The following RPS6KA2 variants were observed in gnomAD, a reference collection of about 807,000 sequenced individuals.
RPS6KA2 encodes ribosomal protein S6 kinase A2.
A neutral mutation model predicts 91.8 loss-of-function variants in RPS6KA2; 42 were observed. The ratio of observed to expected loss-of-function variants is 0.46; its 90% CI spans 0.36 to 0.59. The LOEUF is 0.59. RPS6KA2 is among the 20% of genes least tolerant of loss of function. The pLI, the probability that RPS6KA2 is intolerant of heterozygous loss-of-function variation, is 0.00. For synonymous variants in RPS6KA2, 414 were observed against 393.6 expected (o/e 1.05, Z -0.61); for missense variants, 798 against 978.5 (o/e 0.82, Z 2.46).
intron 2 of RPS6KA2, among the ~76,000 whole-genome samples, chr6:166,672,234 G>A (rs910455450): frequency 5.3e-5 from 8 of 152,060 alleles, no homozygotes; most frequent in African/African-American, 9.7e-5. Context: ...AGAACACTAC[G>A]GGGAACAAGT....
At chr6:166,860,519 A>C (rs1199442917) in intron 1 of RPS6KA2, among the ~76,000 whole-genome samples, 1 of 152,216 alleles carries the variant, frequency 6.6e-6, no homozygotes, top group African/African-American at 2.4e-5. Flanking sequence ...AATATGTGAA[A>C]CACAAGCTGC....
chr6:166,814,123 A>G (rs1450642598), intron 2 of RPS6KA2, among the ~76,000 whole-genome samples: 1 of 152,208 alleles, frequency 6.6e-6, no homozygotes, highest in African/African-American at 2.4e-5. Flanking sequence ...TTATGCCTAA[A>G]TTTTTATTGC....
intron 1 of RPS6KA2, among the ~76,000 whole-genome samples, chr6:166,606,446 C>T (rs540467219): frequency 9.9e-5 from 15 of 152,226 alleles, no homozygotes; most frequent in Non-Finnish European, 2.1e-4. Context: ...ATCTAAGCAG[C>T]GTTGTGTAGG....
chr6:166,469,765 T>C, intron 11 of RPS6KA2, 76 bp downstream of exon 11: 1 of 1,322,052 alleles, frequency 7.6e-7, no homozygotes. Context: ...GAGGACCCTC[T>C]GCACCAAGCC....
At chr6:166,596,280 A>G (rs1397416933) in intron 1 of RPS6KA2, among the ~76,000 whole-genome samples, 1 of 152,188 alleles carries the variant, frequency 6.6e-6, no homozygotes, top group Non-Finnish European at 1.5e-5. Flanking sequence ...ACTTTACTGG[A>G]TTGAAGGATG....
At chr6:166,643,204 T>A (rs1787498035) in intron 2 of RPS6KA2, among the ~76,000 whole-genome samples, 2 of 152,184 alleles carry the variant, frequency 1.3e-5, no homozygotes, top group South Asian at 4.1e-4. Flanking sequence ...CAAAATAAAA[T>A]CCTAGACCAT....
intron 1 of RPS6KA2, among the ~76,000 whole-genome samples, chr6:166,585,261 C>A (rs1217317997): frequency 1.3e-5 from 2 of 152,228 alleles, no homozygotes; most frequent in Non-Finnish European, 2.9e-5. Context: ...CTGGGATGGA[C>A]TTTCAGTCTC....
At chr6:166,698,128 T>G (rs1583029496) in intron 2 of RPS6KA2, among the ~76,000 whole-genome samples, 2 of 152,290 alleles carry the variant, frequency 1.3e-5, no homozygotes, top group East Asian at 3.9e-4. Context: ...ACATAGGAAA[T>G]GCTGGGGCAT....
intron 1 of RPS6KA2, among the ~76,000 whole-genome samples, chr6:166,584,286 G>A (rs923430957): frequency 6.6e-6 from 1 of 152,166 alleles, no homozygotes; most frequent in Non-Finnish European, 1.5e-5. Context: ...TTCCTCTGAG[G>A]ACACTACTCC....
chr6:166,723,308 G>A (rs563329762), intron 2 of RPS6KA2, among the ~76,000 whole-genome samples: 2 of 152,354 alleles, frequency 1.3e-5, no homozygotes, highest in South Asian at 4.1e-4. Flanking sequence ...GAAGAAGGTG[G>A]CCTAGGCCCC....
At chr6:166,616,048 G>A (rs1372447340) in intron 1 of RPS6KA2, among the ~76,000 whole-genome samples, 3 of 152,000 alleles carry the variant, frequency 2.0e-5, no homozygotes, top group Admixed American at 6.5e-5. Flanking sequence ...GTCTCTTGCC[G>A]TACCCTGCCA....
At chr6:166,485,628 T>G (rs1781381101) in intron 10 of RPS6KA2, among the ~76,000 whole-genome samples, 2 of 152,196 alleles carry the variant, frequency 1.3e-5, no homozygotes, top group South Asian at 4.1e-4. Context: ...TTGGCTTAGC[T>G]GAGACACGCT....
chr6:166,480,521 T>TAAAA (rs58223795), intron 10 of RPS6KA2, among the ~76,000 whole-genome samples: 1 of 111,388 alleles, frequency 9.0e-6, no homozygotes, highest in African/African-American at 4.2e-5. Context: ...ATATAATATA[T>TAAAA]TTTTTTTTTT....
chr6:166,522,172 C>T (rs1041573356), intron 3 of RPS6KA2, among the ~76,000 whole-genome samples: 3 of 152,198 alleles, frequency 2.0e-5, no homozygotes, highest in East Asian at 1.9e-4. Flanking sequence ...AGACACGTAT[C>T]GTATCATATT....
intron 8 of RPS6KA2, among the ~76,000 whole-genome samples, chr6:166,491,440 G>A (rs1015874868): frequency 2.5e-4 from 38 of 152,152 alleles, no homozygotes; most frequent in Admixed American, 1.9e-3. Context: ...GCAGTGGCCT[G>A]GAATGGTCTC....
chr6:166,432,541 G>T (rs1218875203), intron 14 of RPS6KA2, 51 bp from the exon 15 acceptor site: 1 of 1,179,660 alleles, frequency 8.5e-7, no homozygotes, highest in South Asian at 1.3e-5. Context: ...AGGCTTTCGG[G>T]TGGTATCTGC....
At chr6:166,515,363 G>A (rs1782612047) in intron 3 of RPS6KA2, among the ~76,000 whole-genome samples, 1 of 152,168 alleles carries the variant, frequency 6.6e-6, no homozygotes. Flanking sequence ...TGATGTGGTG[G>A]GTGAGTGAAG....
intron 2 of RPS6KA2, among the ~76,000 whole-genome samples, chr6:166,826,905 T>C (rs1269388883): frequency 6.6e-6 from 1 of 152,226 alleles, no homozygotes; most frequent in African/African-American, 2.4e-5. Context: ...CTATGAATTA[T>C]ATAACTGATT....
rs1785844330 is a variant in RPS6KA2 at position 166,603,953 on chromosome 6, T to C, written c.99+22968A>G. 6.6e-6 allele frequency among the ~76,000 whole-genome samples: 1 copy of C among 152,126 alleles called. No individual in the cohort carries two copies. The highest frequency in any genetic ancestry group is 1.9e-4 in the East Asian group (1 of 5,192). The stretch of plus-strand genomic sequence containing the variant: ...GGGTGAGATGAGAGCTAAGAACTTC[T>C]CCAACTCGTCCTAACGTGTCCCTCC... On this transcript the variant is annotated intron_variant, in intron 1 of 20. Transcript: ENST00000265678. This position sits in a 1 kb window ranked among gnomAD's most constrained non-coding sequence, Gnocchi z 4.3.
Sources: gnomAD v4.1 joint callset for allele counts (sites outside exome capture counted in the v4.1 genomes callset) on GRCh38, gnomAD v4.1.1 for gene constraint, Gnocchi (gnomAD v3.1) non-coding constraint, MANE v1.5 for transcripts, NCBI Gene and HGNC (gene_info 2026-07-23, HGNC 2026-07-21) for gene names.